Variants in ABTB3 observed in about 807,000 individuals in gnomAD.
The protein encoded by ABTB3 is ankyrin repeat and BTB domain containing 3, also known as ankyrin repeat- and BTB/POZ domain-containing protein 3.
At chr12:107,500,637 CA>C in the ABTB3 span, among the ~76,000 whole-genome samples, 2 of 152,202 alleles carry the variant, frequency 1.3e-5, no homozygotes, top group African/African-American at 4.8e-5. Context: ...CTGCTCAGGC[CA>C]CGACTGTGTA....
At chr12:107,631,148 A>G in the ABTB3 span, among the ~76,000 whole-genome samples, 38 of 152,012 alleles carry the variant, frequency 2.5e-4, no homozygotes, top group African/African-American at 8.7e-4. Flanking sequence ...TCCCAACTTT[A>G]TTTCCATGTG....
At chr12:107,557,404 A>T in the ABTB3 span, among the ~76,000 whole-genome samples, 2 of 152,252 alleles carry the variant, frequency 1.3e-5, no homozygotes, top group African/African-American at 4.8e-5. Flanking sequence ...ACCATCATAT[A>T]TGAGGTCTGT....
At chr12:107,389,361 C>A in the ABTB3 span, among the ~76,000 whole-genome samples, 2 of 152,206 alleles carry the variant, frequency 1.3e-5, no homozygotes, top group African/African-American at 4.8e-5. Flanking sequence ...AGCTCACTAT[C>A]ATCTTAGTTT....
At chr12:107,595,936 T>C in the ABTB3 span, among the ~76,000 whole-genome samples, 39 of 152,124 alleles carry the variant, frequency 2.6e-4, no homozygotes, top group African/African-American at 9.2e-4. Context: ...TATAAGCATA[T>C]GTGTATATAT....
the ABTB3 span, among the ~76,000 whole-genome samples, chr12:107,343,523 G>T: frequency 6.6e-6 from 1 of 152,164 alleles, no homozygotes; most frequent in South Asian, 2.1e-4. Flanking sequence ...GTGTTTGACT[G>T]CTAGTGTCAG....
At chr12:107,649,294 G>A in the ABTB3 span, 1 of 1,606,362 alleles carries the variant, frequency 6.2e-7, no homozygotes, top group Non-Finnish European at 8.5e-7. Flanking sequence ...CCATTGTGGT[G>A]TTGGCTATCA....
At chr12:107,472,225 G>A in the ABTB3 span, among the ~76,000 whole-genome samples, 1 of 152,210 alleles carries the variant, frequency 6.6e-6, no homozygotes, top group Non-Finnish European at 1.5e-5. Context: ...GTGATGAAGA[G>A]CTTGGAGCAG....
the ABTB3 span, among the ~76,000 whole-genome samples, chr12:107,551,936 GA>G: frequency 6.6e-6 from 1 of 152,150 alleles, no homozygotes; most frequent in Non-Finnish European, 1.5e-5. Context: ...ATTTTTAGTA[GA>G]GATGGGGTTT....
At chr12:107,498,156 A>G in the ABTB3 span, among the ~76,000 whole-genome samples, 9 of 152,240 alleles carry the variant, frequency 5.9e-5, no homozygotes, top group Admixed American at 2.0e-4. Flanking sequence ...GAGGAGTTAC[A>G]AGGAAGAAAG....
At chr12:107,434,355 T>G in the ABTB3 span, among the ~76,000 whole-genome samples, 1 of 152,156 alleles carries the variant, frequency 6.6e-6, no homozygotes, top group South Asian at 2.1e-4. Context: ...TCAGCTGGCA[T>G]GCACTGAAGT....
chr12:107,392,120 AG>A, the ABTB3 span, among the ~76,000 whole-genome samples: 1 of 152,210 alleles, frequency 6.6e-6, no homozygotes, highest in Non-Finnish European at 1.5e-5. Flanking sequence ...AGCCCTGTGC[AG>A]AGCACACAGT....
the ABTB3 span, among the ~76,000 whole-genome samples, chr12:107,489,641 A>G: frequency 6.6e-6 from 1 of 152,222 alleles, no homozygotes; most frequent in Non-Finnish European, 1.5e-5. Flanking sequence ...GTGTGTGTTG[A>G]TATCCATGGA....
the ABTB3 span, among the ~76,000 whole-genome samples, chr12:107,477,633 T>G: frequency 6.6e-6 from 1 of 152,204 alleles, no homozygotes; most frequent in Non-Finnish European, 1.5e-5. Context: ...TTTATTCTAT[T>G]GTATTGATTT....
the ABTB3 span, among the ~76,000 whole-genome samples, chr12:107,348,092 C>G: frequency 1.3e-5 from 2 of 151,884 alleles, no homozygotes; most frequent in African/African-American, 2.4e-5. Flanking sequence ...GGTGGGAAGG[C>G]GTGGTGGTGG....
At chr12:107,497,992 G>A in the ABTB3 span, among the ~76,000 whole-genome samples, 4 of 152,176 alleles carry the variant, frequency 2.6e-5, no homozygotes, top group Non-Finnish European at 2.9e-5. Context: ...GCAGAAGACA[G>A]GCTCAGAACA....
At chr12:107,470,550 G>A in the ABTB3 span, among the ~76,000 whole-genome samples, 1 of 152,176 alleles carries the variant, frequency 6.6e-6, no homozygotes, top group African/African-American at 2.4e-5. Context: ...GTCACGGTGT[G>A]GGCAGTGCAG....
At chr12:107,507,589 G>C in the ABTB3 span, among the ~76,000 whole-genome samples, 1 of 152,126 alleles carries the variant, frequency 6.6e-6, no homozygotes, top group South Asian at 2.1e-4. Flanking sequence ...CCTCAGCAAA[G>C]CACTTGAGCC....
chr12:107,395,944 C>T, the ABTB3 span, among the ~76,000 whole-genome samples: 3 of 152,188 alleles, frequency 2.0e-5, no homozygotes, highest in East Asian at 5.8e-4. Context: ...GGATGGGAAC[C>T]CTGTGTGGCC....
At chr12:107,519,308 T>G in the ABTB3 span, among the ~76,000 whole-genome samples, 56,355 of 150,390 alleles carry the variant, frequency 0.37, 10,999 homozygotes, top group Admixed American at 0.46. Flanking sequence ...TTCTTTTTTC[T>G]TTTCTTTTCT....
Sources: gnomAD v4.1 joint callset for allele counts (sites outside exome capture counted in the v4.1 genomes callset) on GRCh38, gnomAD v4.1.1 for gene constraint, MANE v1.5 for transcripts, NCBI Gene and HGNC (gene_info 2026-07-23, HGNC 2026-07-21) for gene names.